MPPED2: variants seen among roughly 807,000 people sequenced by gnomAD.
MPPED2 encodes metallophosphoesterase domain containing 2, also known as metallophosphoesterase MPPED2.
A neutral mutation model predicts 33.0 loss-of-function variants in MPPED2; 5 were observed. The ratio of observed to expected loss-of-function variants is 0.15; its 90% CI spans 0.08 to 0.32. MPPED2 has a LOEUF of 0.32. Among genes scored for constraint, MPPED2 ranks in the 10% least tolerant of loss-of-function variants. The pLI, the probability that MPPED2 is intolerant of heterozygous loss-of-function variation, is 1.00. For synonymous variants in MPPED2, 136 were observed against 141.9 expected (o/e 0.96, Z 0.29); for missense variants, 275 against 372.1 (o/e 0.74, Z 2.15).
Position 30,585,782 on chromosome 11 carries a change from T to C in MPPED2, c.-122+260A>G, listed in dbSNP as rs554606998. On this transcript the variant is annotated intron_variant, in intron 1 of 6. Transcript: ENST00000358117. The stretch of plus-strand genomic sequence containing the variant: ...AGACACCTCCTAAAAAAGAATTTGC[T>C]TTCGCTCAGGGGTTGAAAATCAGCC... Among the ~76,000 whole-genome samples, 8 of 152,186 alleles carry C rather than the reference T, an allele frequency of 5.3e-5. No homozygotes were observed. In the South Asian group the frequency reaches 1.7e-3, roughly 32 times the overall value.
At chr11:30,534,082 C>G (rs1254117077) in intron 3 of MPPED2, among the ~76,000 whole-genome samples, 1 of 152,124 alleles carries the variant, frequency 6.6e-6, no homozygotes, top group African/African-American at 2.4e-5. Context: ...TAGTATTAAT[C>G]CTTCGTCCTG....
At chr11:30,457,394 A>C (rs968544687) in intron 4 of MPPED2, among the ~76,000 whole-genome samples, 16 of 152,140 alleles carry the variant, frequency 1.1e-4, no homozygotes, top group African/African-American at 3.4e-4. Context: ...AAAAAAAAAA[A>C]AAAACAGTTC....
chr11:30,410,762 C>T lies in MPPED2; in HGVS notation c.*706G>A, dbSNP rs1948073007. On this transcript the variant is annotated 3_prime_UTR_variant, in exon 7 of 7. Transcript: ENST00000358117. ...GAGTCTGCATGTTCATTTTTTTAAC[C>T]GTATGAAATACCTGCTCTTGACAGA... The T allele has an allele frequency of 5.1e-6, 5 of 984,594 alleles. No homozygotes were observed. Among genetic ancestry groups the T allele is most frequent in the Non-Finnish European group, 6.0e-6 (5 of 828,926 alleles). 61.0% of individuals were successfully genotyped at this position (984,594 alleles called of 1,614,324 possible). A position where few individuals can be genotyped will look rare whatever the true frequency, so the allele number is the denominator to read the frequency against.
chr11:30,388,190 CT>C (rs933419665), exon 7 of MPPED2: 2 of 152,384 alleles, frequency 1.3e-5, no homozygotes, highest in African/African-American at 2.4e-5. Flanking sequence ...CTGAATCCCC[CT>C]AATCCTAAAC....
chr11:30,567,512 A>G lies in MPPED2; in HGVS notation c.128+12734T>C, dbSNP rs142732576. On this transcript the variant is annotated intron_variant, in intron 2 of 6. Coordinates refer to ENST00000358117, the MANE Select transcript of MPPED2 (RefSeq NM_001584.3). ...GGGGGTGCTTTTTTTCCAGCTCCCA[A>G]TCTCCTCCCTCCAGTTTCTTATTCT... 6.2e-3 allele frequency among the ~76,000 whole-genome samples: 938 copies of G among 152,022 alleles called. 7 individuals are homozygous for G. Among genetic ancestry groups the G allele is most frequent in the Non-Finnish European group, 9.2e-3 (624 of 67,952 alleles).
chr11:30,478,019 CAA>C, intron 4 of MPPED2, among the ~76,000 whole-genome samples: 1 of 152,090 alleles, frequency 6.6e-6, no homozygotes, highest in East Asian at 1.9e-4. Flanking sequence ...TTCTCCTGCC[CAA>C]AAGAGTATGG....
At position 30,414,277 on chromosome 11, in the gene MPPED2, A is replaced by T; in HGVS notation, c.717T>A (p.Val239=). The change falls in exon 6 of 7, where the codon GTT becomes GTA. Residue 239 remains valine, a synonymous_variant. Transcript: ENST00000358117. ...GGAGCTTGGGCCGGACTCGCCTCTG[A>T]ACCGTGTTTAACAGCTCCACACAGC... ...RVGCVELLNT[V]QRRVRPKLHV... 6.2e-7 allele frequency: 1 copy of T among 1,614,006 alleles called. No individual in the cohort carries two copies. The highest frequency in any genetic ancestry group is 8.5e-7 in the Non-Finnish European group (1 of 1,179,928).
intron 4 of MPPED2, among the ~76,000 whole-genome samples, chr11:30,449,886 T>C (rs1949975855): frequency 6.6e-6 from 1 of 152,206 alleles, no homozygotes; most frequent in African/African-American, 2.4e-5. Flanking sequence ...CCAAGTCATG[T>C]TCTCACAATT....
At chr11:30,561,338 T>C (rs978494127) in intron 2 of MPPED2, among the ~76,000 whole-genome samples, 2 of 152,190 alleles carry the variant, frequency 1.3e-5, no homozygotes, top group Non-Finnish European at 2.9e-5. Flanking sequence ...CTAGAGCTTT[T>C]ATTAGATAAT....
At chr11:30,582,101 C>A (rs777308772) in intron 1 of MPPED2, among the ~76,000 whole-genome samples, 7 of 152,164 alleles carry the variant, frequency 4.6e-5, no homozygotes, top group Non-Finnish European at 8.8e-5. Flanking sequence ...ATTTCTCCCA[C>A]AATTATATTT....
chr11:30,415,393 T>C (rs539114268), intron 5 of MPPED2, among the ~76,000 whole-genome samples: 1 of 152,280 alleles, frequency 6.6e-6, no homozygotes, highest in South Asian at 2.1e-4. Context: ...ACCTCATGCA[T>C]GTGTTTTTCC....
At chr11:30,400,704 C>T (rs574169892) in intron 6 of MPPED2, among the ~76,000 whole-genome samples, 11 of 152,238 alleles carry the variant, frequency 7.2e-5, no homozygotes, top group African/African-American at 2.6e-4. Flanking sequence ...CTCCAAACTA[C>T]ATCATTCAAG....
intron 2 of MPPED2, among the ~76,000 whole-genome samples, chr11:30,564,874 G>A (rs1956377319): frequency 6.6e-6 from 1 of 152,138 alleles, no homozygotes; most frequent in African/African-American, 2.4e-5. Flanking sequence ...CTGACTCCAT[G>A]TGTGAGCAAA....
intron 4 of MPPED2, among the ~76,000 whole-genome samples, chr11:30,424,055 C>T (rs986035328): frequency 2.6e-5 from 4 of 152,178 alleles, no homozygotes; most frequent in African/African-American, 9.7e-5. Flanking sequence ...CACTTGCTCG[C>T]TCCCTCACTG....
chr11:30,536,287 C>G, intron 2 of MPPED2, 112 bp from the exon 3 acceptor site: 1 of 959,728 alleles, frequency 1.0e-6, no homozygotes, highest in Non-Finnish European at 1.4e-6. Flanking sequence ...CAAACTGACG[C>G]AAAGGCAGAA....
intron 6 of MPPED2, among the ~76,000 whole-genome samples, chr11:30,389,227 C>A (rs1255255162): frequency 6.6e-6 from 1 of 152,172 alleles, no homozygotes; most frequent in Non-Finnish European, 1.5e-5. Context: ...TCCAGCAGAG[C>A]CTTTTGACAG....
chr11:30,464,901 C>T (rs1178435259), intron 4 of MPPED2, among the ~76,000 whole-genome samples: 4 of 152,124 alleles, frequency 2.6e-5, no homozygotes, highest in South Asian at 2.1e-4. Flanking sequence ...ATCACAGGCT[C>T]GTTCAATTCA....
intron 6 of MPPED2, among the ~76,000 whole-genome samples, chr11:30,401,967 G>A (rs1482834739): frequency 6.6e-6 from 1 of 151,978 alleles, no homozygotes; most frequent in Admixed American, 6.6e-5. Flanking sequence ...AAAGTGCTGG[G>A]ATTACAGACG....
chr11:30,553,468 GTTGCAT>G (rs1955815215), intron 2 of MPPED2, among the ~76,000 whole-genome samples: 1 of 152,184 alleles, frequency 6.6e-6, no homozygotes, highest in African/African-American at 2.4e-5. Flanking sequence ...CAACTTCTAA[GTTGCAT>G]TTGCATTTCT....
Sources: gnomAD v4.1 joint callset for allele counts (sites outside exome capture counted in the v4.1 genomes callset) on GRCh38, gnomAD v4.1.1 for gene constraint, MANE v1.5 for transcripts, NCBI Gene and HGNC (gene_info 2026-07-23, HGNC 2026-07-21) for gene names.